The following ANKRD30BL variants were observed in gnomAD, a reference collection of about 807,000 sequenced individuals.
ANKRD30BL encodes ankyrin repeat domain 30B like, also known as putative ankyrin repeat domain-containing protein 30B-like.
ANKRD30BL carries 20 observed loss-of-function variants against 18.4 expected under a neutral mutation model. That is an observed-to-expected ratio of 1.09 (90% CI 0.77 to 1.58). ANKRD30BL has a LOEUF of 1.58. Ranked by LOEUF, ANKRD30BL falls within the 40% of genes most tolerant of loss-of-function variation. ANKRD30BL has a pLI of 0.00. For missense variants in ANKRD30BL, 224 were observed against 268.6 expected (o/e 0.83, Z 1.16); for synonymous variants, 72 against 100.9 (o/e 0.71, Z 1.72).
At chr2:132,240,117 C>T (rs78926152) in intron 1 of ANKRD30BL, among the ~76,000 whole-genome samples, 2 of 151,144 alleles carry the variant, frequency 1.3e-5, no homozygotes, top group Non-Finnish European at 3.0e-5. Flanking sequence ...ACATTTTGTG[C>T]GATATGAGAC....
intron 5 of ANKRD30BL, among the ~76,000 whole-genome samples, chr2:132,149,578 T>C (rs1185232589): frequency 6.6e-6 from 1 of 152,208 alleles, no homozygotes; most frequent in Non-Finnish European, 1.5e-5. Context: ...TGTTAATTCT[T>C]ATTGACATTC....
chr2:132,238,437 G>C (rs549881079), intron 1 of ANKRD30BL, among the ~76,000 whole-genome samples: 1 of 151,962 alleles, frequency 6.6e-6, no homozygotes, highest in South Asian at 2.1e-4. Flanking sequence ...CTCTGGGAAC[G>C]GGTATATATT....
At chr2:132,202,058 C>A (rs10191022) in intron 1 of ANKRD30BL, among the ~76,000 whole-genome samples, 3,520 of 152,064 alleles carry the variant, frequency 0.023, 127 homozygotes, top group African/African-American at 0.081. Context: ...AACCAAACAC[C>A]GCATATTCTC....
intron 1 of ANKRD30BL, among the ~76,000 whole-genome samples, chr2:132,184,911 C>G (rs1288880196): frequency 1.3e-5 from 2 of 151,774 alleles, no homozygotes; most frequent in African/African-American, 2.4e-5. Context: ...CTCCCCAGAT[C>G]AAGGGATTTT....
intron 1 of ANKRD30BL, among the ~76,000 whole-genome samples, chr2:132,200,318 A>G (rs886121779): frequency 6.6e-6 from 1 of 151,888 alleles, no homozygotes; most frequent in Non-Finnish European, 1.5e-5. Flanking sequence ...AGAAGGAAAT[A>G]AAGGGTATTC....
chr2:132,211,533 T>G (rs1360876889), intron 1 of ANKRD30BL, among the ~76,000 whole-genome samples: 2 of 150,974 alleles, frequency 1.3e-5, no homozygotes, highest in Admixed American at 6.6e-5. Flanking sequence ...ATATTTGGAG[T>G]GCTCTGAGGC....
At chr2:132,167,761 T>C (rs1023147384) in intron 1 of ANKRD30BL, among the ~76,000 whole-genome samples, 4 of 152,216 alleles carry the variant, frequency 2.6e-5, no homozygotes, top group African/African-American at 9.6e-5. Context: ...TTTAAGTCTA[T>C]CTTTAAATTA....
intron 1 of ANKRD30BL, among the ~76,000 whole-genome samples, chr2:132,179,284 T>C (rs1433698492): frequency 8.6e-6 from 1 of 116,806 alleles, no homozygotes; most frequent in Non-Finnish European, 1.6e-5. Flanking sequence ...TACTCTATTC[T>C]TTTTATCTTT....
intron 1 of ANKRD30BL, among the ~76,000 whole-genome samples, chr2:132,215,061 T>A (rs1679458686): frequency 6.6e-6 from 1 of 152,128 alleles, no homozygotes; most frequent in African/African-American, 2.4e-5. Flanking sequence ...TTGTGATGTA[T>A]GTATTCATCA....
chr2:132,176,677 G>T (rs1217811367), intron 1 of ANKRD30BL, among the ~76,000 whole-genome samples: 1 of 152,100 alleles, frequency 6.6e-6, no homozygotes, highest in African/African-American at 2.4e-5. Flanking sequence ...TGTGATCCCA[G>T]ATACTCGGGA....
intron 1 of ANKRD30BL, among the ~76,000 whole-genome samples, chr2:132,219,079 T>C (rs1385136548): frequency 6.6e-6 from 1 of 151,724 alleles, no homozygotes; most frequent in Non-Finnish European, 1.5e-5. Context: ...GAAACACTCT[T>C]GTTGCAGAAT....
intron 1 of ANKRD30BL, among the ~76,000 whole-genome samples, chr2:132,218,770 G>T (rs570229298): frequency 6.6e-6 from 1 of 151,852 alleles, no homozygotes; most frequent in Admixed American, 6.6e-5. Flanking sequence ...TATTTTGAAC[G>T]CTTTCAGGCC....
At chr2:132,181,214 C>A (rs1432583543) in intron 1 of ANKRD30BL, among the ~76,000 whole-genome samples, 2 of 151,868 alleles carry the variant, frequency 1.3e-5, no homozygotes. Flanking sequence ...TGGCTGATGC[C>A]TGTAATCTCA....
chr2:132,196,971 A>G, intron 1 of ANKRD30BL, among the ~76,000 whole-genome samples: 1 of 152,246 alleles, frequency 6.6e-6, no homozygotes, highest in Non-Finnish European at 1.5e-5. Context: ...TCCCCAACAC[A>G]TGTATGATAG....
At chr2:132,222,331 G>A (rs199640280) in intron 1 of ANKRD30BL, among the ~76,000 whole-genome samples, 2,870 of 152,236 alleles carry the variant, frequency 0.019, 96 homozygotes, top group East Asian at 0.11. Flanking sequence ...CCGTCTGGGA[G>A]GTGTGCCCAG....
intron 1 of ANKRD30BL, among the ~76,000 whole-genome samples, chr2:132,229,241 T>A (rs528946992): frequency 6.6e-6 from 1 of 152,232 alleles, no homozygotes; most frequent in Admixed American, 6.6e-5. Flanking sequence ...CAAGTGGACC[T>A]TTCGAGTGCC....
At chr2:132,179,291 CT>C (rs61427674) in intron 1 of ANKRD30BL, among the ~76,000 whole-genome samples, 79,004 of 138,646 alleles carry the variant, frequency 0.57, 22,922 homozygotes, top group African/African-American at 0.77. Flanking sequence ...TTCTTTTTAT[CT>C]TTTTTTTTTT....
chr2:132,178,306 A>G (rs545151917), intron 1 of ANKRD30BL, among the ~76,000 whole-genome samples: 29 of 152,358 alleles, frequency 1.9e-4, no homozygotes, highest in African/African-American at 6.7e-4. Context: ...GTCTGTGGGA[A>G]CCAAAGGATA....
chr2:132,220,789 G>A (rs375372519), intron 1 of ANKRD30BL, among the ~76,000 whole-genome samples: 10,205 of 146,828 alleles, frequency 0.07, 500 homozygotes, highest in African/African-American at 0.14. Context: ...CCGCCACCCC[G>A]TCTGGGAAGT....
Sources: allele counts gnomAD v4.1 joint callset (sites outside exome capture counted in the v4.1 genomes callset), GRCh38; gene constraint gnomAD v4.1.1; transcripts MANE v1.5; gene names NCBI Gene and HGNC (gene_info 2026-07-23, HGNC 2026-07-21).